Variants in PPP2R5D observed in about 807,000 individuals in gnomAD.
PPP2R5D encodes the protein serine/threonine-protein phosphatase 2A 56 kDa regulatory subunit delta isoform.
A neutral mutation model predicts 79.1 loss-of-function variants in PPP2R5D; 12 were observed. That is an observed-to-expected ratio of 0.15 (90% confidence interval 0.10 to 0.25). The LOEUF (loss-of-function observed/expected upper bound fraction) is 0.25. Among genes scored for constraint, PPP2R5D ranks in the 10% least tolerant of loss-of-function variants. The probability of loss-of-function intolerance (pLI) is 1.00; values close to 1 mark genes in which losing one functional copy is unlikely to be tolerated. For synonymous variants in PPP2R5D, 277 were observed against 286.6 expected, an observed-to-expected ratio of 0.97 and a Z score of 0.34; for missense variants, 419 against 760.2, an observed-to-expected ratio of 0.55 and a Z score of 5.28.
intron 1 of PPP2R5D, among the ~76,000 whole-genome samples, chr6:42,987,365 CTT>C (rs1561837223): frequency 1.3e-5 from 2 of 152,136 alleles, no homozygotes; most frequent in Non-Finnish European, 2.9e-5. Flanking sequence ...GGACTTACCT[CTT>C]TTATTTTCCT....
At position 43,011,005 on chromosome 6, in the gene PPP2R5D, G is replaced by A. The variant is rs1165559485; in HGVS notation, c.1671+8G>A. ...GAGACTGAGGCTGTTCAGGTGGGAG[G>A]GCAATGTAGGGGGATGGAGCAGAAA... On this transcript the variant is annotated splice_region_variant and intron_variant, in intron 15 of 15. Transcript: ENST00000485511. 2 of 1,611,964 alleles carry A rather than the reference G, an allele frequency of 1.2e-6. No individual in the cohort carries two copies. Among genetic ancestry groups the A allele is most frequent in the African/African-American group, 1.3e-5 (1 of 74,866 alleles).
rs145204903 is a variant in PPP2R5D, at chr6:42,995,359, T to G, written c.105+5671T>G. On this transcript the variant is annotated intron_variant, in intron 2 of 15. Transcript: ENST00000485511. ...TGTTGCTAAGGCTGGTCTCGAACTC[T>G]TGGACCGAAGCAATCCTCCTGCCTT... is the stretch of plus-strand genomic sequence containing the variant. Among the ~76,000 whole-genome samples the G allele has an allele frequency of 4.0e-3, 604 of 152,042 alleles. 4 individuals carry two copies. The highest frequency in any genetic ancestry group is 0.014 in the African/African-American group (586 of 41,460).
At position 43,008,123 on chromosome 6, in the gene PPP2R5D, A is replaced by T; in HGVS notation, c.857+58A>T. 1 of 1,613,642 alleles carries T rather than the reference A, an allele frequency of 6.2e-7. No individual in the cohort carries two copies. Among genetic ancestry groups the T allele is most frequent in the Non-Finnish European group, 8.5e-7 (1 of 1,179,600 alleles). On this transcript the variant is annotated intron_variant, in intron 7 of 15. Coordinates refer to ENST00000485511, the MANE Select transcript of PPP2R5D (RefSeq NM_006245.4). The surrounding 1 kb of genome is among the most constrained non-coding windows in gnomAD (Gnocchi z 4.2). ...CCTTCTGCTACTGAGGTGGGGTGGG[A>T]GCAGGGAGGTGGGGGGACTGTACAG...
In PPP2R5D at chr6:43,007,653, CAA is replaced by C; in HGVS notation, c.726+150_726+151del. 1 of 907,398 alleles carries C rather than the reference CAA, an allele frequency of 1.1e-6. No homozygotes were observed. The highest frequency in any genetic ancestry group is 1.7e-6 in the Non-Finnish European group (1 of 597,190). 56.2% of individuals were successfully genotyped at this position (907,398 alleles called of 1,614,324 possible). On this transcript the variant is annotated intron_variant, in intron 6 of 15. Transcript: ENST00000485511. The surrounding 1 kb of genome is among the most constrained non-coding windows in gnomAD (Gnocchi z 4.5). ...AGGCTATAAAGGGTAAAAAACAAAA[CAA>C]AACAAAACCCTACTCTGGCCTTAAG... is the stretch of plus-strand genomic sequence containing the variant.
At chr6:43,003,510 C>G (rs1285932475) in intron 2 of PPP2R5D, among the ~76,000 whole-genome samples, 1 of 152,070 alleles carries the variant, frequency 6.6e-6, no homozygotes, top group Non-Finnish European at 1.5e-5. Context: ...TCATACTACA[C>G]AATGGAAGTA....
Position 43,007,276 on chromosome 6 carries a change from C to G in PPP2R5D, c.603C>G (p.Pro201=), listed in dbSNP as rs771264774. The part of the protein sequence containing the change: ...GAEFDPEEDE[P]TLEAAWPHLQ... ...AGTTTGACCCAGAGGAAGATGAGCC[C>G]ACCCTGGAAGCTGCTTGGCCACATC... The change falls in exon 5 of 16, where the codon CCC becomes CCG. Residue 201 remains proline, a synonymous_variant. Transcript: ENST00000485511. The surrounding 1 kb of genome is among the most constrained non-coding windows in gnomAD (Gnocchi z 4.5). The G allele has an allele frequency of 3.1e-6, 5 of 1,614,036 alleles. No individual in the cohort carries two copies. In the African/African-American group the frequency reaches 6.7e-5, roughly 22 times the overall value.
Position 43,011,086 on chromosome 6 carries a change from C to T in PPP2R5D, c.1672-63C>T, listed in dbSNP as rs41274902. 40,046 of 1,611,356 alleles carry T rather than the reference C, an allele frequency of 0.025. 594 individuals are homozygous for T. The highest frequency in any genetic ancestry group is 0.029 in the South Asian group (2,625 of 90,962). On this transcript the variant is annotated intron_variant, in intron 15 of 15. Coordinates refer to ENST00000485511, the MANE Select transcript of PPP2R5D (RefSeq NM_006245.4). ...ACAGCAGAGCCAAAGAATAAGGGGA[C>T]GGAACAATAGAATTCACTGGGAATT...
chr6:43,001,135 T>G (rs1490350642), intron 2 of PPP2R5D, among the ~76,000 whole-genome samples: 4 of 152,224 alleles, frequency 2.6e-5, no homozygotes, highest in Non-Finnish European at 5.9e-5. Flanking sequence ...AGTGATTTCC[T>G]AGGTTCCTGA....
chr6:42,986,377 G>C (rs1420810691), intron 1 of PPP2R5D, among the ~76,000 whole-genome samples: 4 of 152,070 alleles, frequency 2.6e-5, no homozygotes, highest in Admixed American at 6.6e-5. Context: ...TTTGCCCTCT[G>C]ATTGGCTGGG....
intron 2 of PPP2R5D, among the ~76,000 whole-genome samples, chr6:42,999,027 CCT>C (rs934172554): frequency 3.3e-5 from 5 of 151,972 alleles, no homozygotes; most frequent in Admixed American, 2.0e-4. Flanking sequence ...AGAGTGAGAC[CCT>C]GTCTCAAAAT....
intron 1 of PPP2R5D, among the ~76,000 whole-genome samples, chr6:42,986,998 G>A (rs1335825315): frequency 6.6e-6 from 1 of 152,266 alleles, no homozygotes; most frequent in East Asian, 1.9e-4. Context: ...ACTGAGGTTT[G>A]TCTGGATGGC....
chr6:43,008,063 C>T lies in PPP2R5D; in HGVS notation c.855C>T (p.Tyr285=). The change falls in exon 7 of 16, where the codon TAC becomes TAT. Residue 285 remains tyrosine, a splice_region_variant and synonymous_variant. Coordinates refer to ENST00000485511, the MANE Select transcript of PPP2R5D (RefSeq NM_006245.4). The surrounding 1 kb of genome is among the most constrained non-coding windows in gnomAD (Gnocchi z 4.2). ...GTAGGCAGATCAACCACATCTTCTA[C>T]AGGTGAGGCCAGGAGCCCAGGCTTA... ...YIRRQINHIF[Y]RFIYETEHHN... The T allele has an allele frequency of 6.2e-7, 1 of 1,614,202 alleles. No individual in the cohort carries two copies. The highest frequency in any genetic ancestry group is 8.5e-7 in the Non-Finnish European group (1 of 1,180,034).
Position 43,008,871 on chromosome 6 carries a change from C to T in PPP2R5D, c.1080+125C>T. ...TGTGACCTGACCGGTAACATGGTTT[C>T]CTCTCTGAAGGGGAAGCAAAACCTA... On this transcript the variant is annotated intron_variant, in intron 10 of 15. Coordinates refer to ENST00000485511, the MANE Select transcript of PPP2R5D (RefSeq NM_006245.4). This position sits in a 1 kb window ranked among gnomAD's most constrained non-coding sequence, Gnocchi z 4.2. 2 of 1,300,664 alleles carry T rather than the reference C, an allele frequency of 1.5e-6. No homozygotes were observed. The highest frequency in any genetic ancestry group is 2.2e-6 in the Non-Finnish European group (2 of 927,572). 80.6% of individuals were successfully genotyped at this position (1,300,664 alleles called of 1,614,324 possible).
chr6:42,998,608 G>C (rs1248976624), intron 2 of PPP2R5D, among the ~76,000 whole-genome samples: 1 of 152,146 alleles, frequency 6.6e-6, no homozygotes. Flanking sequence ...TGGAGTCCCA[G>C]AAGTGAGGGC....
intron 2 of PPP2R5D, among the ~76,000 whole-genome samples, chr6:42,999,475 C>T (rs1772024236): frequency 6.6e-6 from 1 of 152,186 alleles, no homozygotes; most frequent in Non-Finnish European, 1.5e-5. Flanking sequence ...CAGCTGCTCT[C>T]CAGCCACTCT....
At position 43,006,411 on chromosome 6, in the gene PPP2R5D, G is replaced by A. The variant is rs1277497264; in HGVS notation, c.106-52G>A. ...AGACTTGGGGATGGCCAGGCCCAGG[G>A]TGGGAGGCATATCTTGGGAAGTGGA... On this transcript the variant is annotated intron_variant, in intron 2 of 15. Coordinates refer to ENST00000485511, the MANE Select transcript of PPP2R5D (RefSeq NM_006245.4). The surrounding 1 kb of genome is among the most constrained non-coding windows in gnomAD (Gnocchi z 4.7). The A allele has an allele frequency of 4.4e-6, 7 of 1,588,656 alleles. No homozygotes were observed. In the African/African-American group the frequency reaches 8.1e-5, roughly 18 times the overall value.
At chr6:42,985,381 G>T (rs1441828537) in intron 1 of PPP2R5D, among the ~76,000 whole-genome samples, 3 of 152,212 alleles carry the variant, frequency 2.0e-5, no homozygotes, top group African/African-American at 7.2e-5. Flanking sequence ...ATCCCTAATG[G>T]TACAGATGAG....
At position 43,006,530 on chromosome 6, in the gene PPP2R5D, G is replaced by A. The variant is rs769440183; in HGVS notation, c.173G>A (p.Arg58His). Residue 58 changes from arginine to histidine, a missense_variant, in exon 3 of 16, where the codon CGT (arginine) becomes CAT (histidine). By Grantham distance (29) the Arg-to-His change is conservative. Coordinates refer to ENST00000485511, the MANE Select transcript of PPP2R5D (RefSeq NM_006245.4). This position sits in a 1 kb window ranked among gnomAD's most constrained non-coding sequence, Gnocchi z 4.7. ...AQSQPPSSNKRPSNSTPPPTQ... is the reference protein window; with the variant it reads ...AQSQPPSSNKHPSNSTPPPTQ... Reference sequence around the variant, plus strand: ...TCTCAGCCACCGTCATCCAACAAGCGTCCCAGCAATAGCACGCCGCCCCCC... The same window carrying A: ...TCTCAGCCACCGTCATCCAACAAGCATCCCAGCAATAGCACGCCGCCCCCC... 7 of 1,613,884 alleles carry A rather than the reference G, an allele frequency of 4.3e-6. No individual in the cohort carries two copies. The highest frequency in any genetic ancestry group is 1.3e-5 in the African/African-American group (1 of 74,894).
intron 1 of PPP2R5D, among the ~76,000 whole-genome samples, chr6:42,986,273 C>T (rs952190098): frequency 2.0e-5 from 3 of 152,206 alleles, no homozygotes; most frequent in Non-Finnish European, 4.4e-5. Context: ...CCCCCAGCTT[C>T]TCCTCTCCTG....
Sources: gnomAD v4.1 joint callset for allele counts (sites outside exome capture counted in the v4.1 genomes callset) on GRCh38, gnomAD v4.1.1 for gene constraint, Gnocchi (gnomAD v3.1) non-coding constraint, MANE v1.5 for transcripts, NCBI Gene and HGNC (gene_info 2026-07-23, HGNC 2026-07-21) for gene names.